Variants in RHOU observed in about 807,000 individuals in gnomAD.
RHOU encodes ras homolog family member U, also known as rho-related GTP-binding protein RhoU.
A neutral mutation model predicts 12.6 loss-of-function variants in RHOU; 8 were observed. That is an observed-to-expected ratio of 0.64 (90% CI 0.37 to 1.15). The LOEUF (loss-of-function observed/expected upper bound fraction) is 1.15. RHOU is among the 50% of genes most tolerant of loss of function. The pLI is 0.01. For missense variants in RHOU, 258 were observed against 347.0 expected, an observed-to-expected ratio of 0.74 and a Z score of 2.04; for synonymous variants, 161 against 147.4, an observed-to-expected ratio of 1.09 and a Z score of -0.67.
chr1:228,685,359 G>A, the RHOU span, among the ~76,000 whole-genome samples: 454 of 152,256 alleles, frequency 3.0e-3, 2 homozygotes, highest in African/African-American at 0.01. Flanking sequence ...GAGTTGCTCT[G>A]GTTCCAATGC....
In RHOU at chr1:228,735,910, C is replaced by G. The variant is rs1162059478; in HGVS notation, c.168C>G (p.Gly56=). 1.3e-6 allele frequency: 2 copies of G among 1,558,752 alleles called. No homozygotes were observed. The highest frequency in any genetic ancestry group is 1.7e-6 in the Non-Finnish European group (2 of 1,157,090). The change falls in exon 1 of 3, where the codon GGC becomes GGG. Residue 56 remains glycine (G), a synonymous_variant. Transcript: ENST00000366691. The surrounding 1 kb of genome is among the most constrained non-coding windows in gnomAD (Gnocchi z 8.1). ...GCGGCGTCAAGTGCGTGCTGGTCGGCGACGGCGCGGTGGGCAAGACGAGCC... is the reference window on the plus strand; with the variant it reads ...GCGGCGTCAAGTGCGTGCTGGTCGGGGACGGCGCGGTGGGCAAGACGAGCC... The part of the protein sequence containing the change: ...EGRGVKCVLV[G]DGAVGKTSLV...
At chr1:228,728,402 A>G in the RHOU span, among the ~76,000 whole-genome samples, 23 of 152,350 alleles carry the variant, frequency 1.5e-4, no homozygotes, top group East Asian at 4.2e-3. Context: ...TTAAAATATT[A>G]AAACACTTAT....
the RHOU span, among the ~76,000 whole-genome samples, chr1:228,663,409 A>C: frequency 6.6e-6 from 1 of 152,168 alleles, no homozygotes; most frequent in African/African-American, 2.4e-5. Context: ...ATGTGTGTGC[A>C]AATTACCAGA....
the RHOU span, among the ~76,000 whole-genome samples, chr1:228,671,530 A>G: frequency 6.6e-6 from 1 of 151,798 alleles, no homozygotes; most frequent in Non-Finnish European, 1.5e-5. Context: ...CAGCCTGGCC[A>G]ATGTGGTGAA....
the RHOU span, chr1:228,687,965 TCCTC>T: frequency 0.014 from 9,043 of 657,610 alleles, 555 homozygotes; most frequent in African/African-American, 0.13. Context: ...CTTCTGTCCT[TCCTC>T]CCTCCCTCCC....
chr1:228,681,451 T>C, the RHOU span, among the ~76,000 whole-genome samples: 1 of 151,792 alleles, frequency 6.6e-6, no homozygotes, highest in Admixed American at 6.6e-5. Flanking sequence ...CAAGACTCAG[T>C]GACGACTGGG....
the RHOU span, among the ~76,000 whole-genome samples, chr1:228,724,571 C>T: frequency 2.9e-4 from 44 of 152,288 alleles, no homozygotes; most frequent in African/African-American, 9.4e-4. Context: ...CCCACCTCAG[C>T]CTCCCAAAGT....
the RHOU span, among the ~76,000 whole-genome samples, chr1:228,724,466 A>T: frequency 6.0e-4 from 91 of 152,264 alleles, no homozygotes; most frequent in Non-Finnish European, 1.1e-3. Context: ...CACCTCACAT[A>T]CTTATCTTTC....
At chr1:228,657,632 A>C in the RHOU span, among the ~76,000 whole-genome samples, 2 of 152,312 alleles carry the variant, frequency 1.3e-5, no homozygotes, top group South Asian at 4.1e-4. Flanking sequence ...GATCAGATAG[A>C]GGATAAGAAA....
Position 228,738,435 on chromosome 1 carries a change from C to T in RHOU, c.321+704C>T, listed in dbSNP as rs1177362867. On this transcript the variant is annotated intron_variant, in intron 2 of 2. Transcript: ENST00000366691. This position sits in a 1 kb window ranked among gnomAD's most constrained non-coding sequence, Gnocchi z 4.2. ...TCGAGTCATTGAAGTCAGGCTGTGC[C>T]TTGTGAACACCCAGGGGTACTTGAT... is the stretch of plus-strand genomic sequence containing the variant. Among the ~76,000 whole-genome samples the T allele has an allele frequency of 6.6e-6, 1 of 152,174 alleles. No homozygotes were observed. Among genetic ancestry groups the T allele is most frequent in the Non-Finnish European group, 1.5e-5 (1 of 68,034 alleles).
the RHOU span, among the ~76,000 whole-genome samples, chr1:228,695,708 C>T: frequency 6.6e-6 from 1 of 152,174 alleles, no homozygotes; most frequent in Admixed American, 6.5e-5. Context: ...AGCTTTCATG[C>T]ATTTCCAGGG....
chr1:228,695,932 C>T, the RHOU span, among the ~76,000 whole-genome samples: 2 of 152,192 alleles, frequency 1.3e-5, no homozygotes, highest in Non-Finnish European at 2.9e-5. Context: ...TTCAGGTGAC[C>T]AGTCCTGAAG....
the RHOU span, among the ~76,000 whole-genome samples, chr1:228,672,819 G>A: frequency 1.3e-5 from 2 of 152,062 alleles, no homozygotes; most frequent in East Asian, 1.9e-4. Context: ...GTGTTACTAC[G>A]GTTTCCCACT....
At chr1:228,690,904 C>T in the RHOU span, among the ~76,000 whole-genome samples, 1 of 152,178 alleles carries the variant, frequency 6.6e-6, no homozygotes, top group Non-Finnish European at 1.5e-5. Flanking sequence ...GCGTGAGCCT[C>T]CGTGCATGGT....
upstream of RHOU, among the ~76,000 whole-genome samples, chr1:228,730,909 G>A (rs534303544): frequency 2.0e-5 from 3 of 152,132 alleles, no homozygotes; most frequent in South Asian, 6.2e-4. Flanking sequence ...ATGACACCTG[G>A]CAAGGAATAT....
the RHOU span, among the ~76,000 whole-genome samples, chr1:228,714,478 TCCTC>T: frequency 6.6e-6 from 1 of 152,128 alleles, no homozygotes; most frequent in African/African-American, 2.4e-5. Flanking sequence ...CTTGATAACT[TCCTC>T]CACATATTCT....
the RHOU span, among the ~76,000 whole-genome samples, chr1:228,701,462 A>C: frequency 6.6e-6 from 1 of 152,160 alleles, no homozygotes; most frequent in Non-Finnish European, 1.5e-5. Context: ...TGTCTCTAAA[A>C]GTGAACAAAA....
the RHOU span, among the ~76,000 whole-genome samples, chr1:228,674,805 A>C: frequency 6.6e-6 from 1 of 151,794 alleles, no homozygotes; most frequent in African/African-American, 2.4e-5. Flanking sequence ...ACCTCGGCTC[A>C]CTGCAAGCTC....
the RHOU span, among the ~76,000 whole-genome samples, chr1:228,656,618 T>C: frequency 6.6e-6 from 1 of 152,324 alleles, no homozygotes; most frequent in South Asian, 2.1e-4. Flanking sequence ...AAATTCAAAT[T>C]TGAGTGTTAA....
Sources: gnomAD v4.1 joint callset for allele counts (sites outside exome capture counted in the v4.1 genomes callset) on GRCh38, gnomAD v4.1.1 for gene constraint, Gnocchi (gnomAD v3.1) non-coding constraint, MANE v1.5 for transcripts, NCBI Gene and HGNC (gene_info 2026-07-23, HGNC 2026-07-21) for gene names.